The following PLA1A variants were observed in gnomAD, a reference collection of about 807,000 sequenced individuals.
The protein encoded by PLA1A is phospholipase A1 member A, also known as phosphatidylserine-specific phospholipase A1alpha.
PLA1A carries 47 observed loss-of-function variants against 49.4 expected under a neutral mutation model. The ratio of observed to expected loss-of-function variants is 0.95; its 90% confidence interval spans 0.75 to 1.21. The LOEUF (loss-of-function observed/expected upper bound fraction) is 1.21, where lower values mean the gene tolerates loss of function less well. Among genes scored for constraint, PLA1A ranks in the 50% most tolerant of loss-of-function variants. PLA1A has a pLI of 0.00. For synonymous variants in PLA1A, 224 were observed against 207.9 expected, an observed-to-expected ratio of 1.08 and a Z score of -0.67; for missense variants, 561 against 563.9, an observed-to-expected ratio of 0.99 and a Z score of 0.05.
intron 8 of PLA1A, among the ~76,000 whole-genome samples, chr3:119,621,979 G>A (rs570456959): frequency 6.6e-6 from 1 of 152,250 alleles, no homozygotes; most frequent in East Asian, 1.9e-4. Flanking sequence ...AGCACTTCGG[G>A]AGGCTGAGGT....
chr3:119,608,591 G>T (rs2082725379), intron 2 of PLA1A, among the ~76,000 whole-genome samples, 179 bp from the exon 3 acceptor site: 1 of 152,202 alleles, frequency 6.6e-6, no homozygotes, highest in African/African-American at 2.4e-5. Context: ...CTGGCGGAAG[G>T]GCTGGCAACT....
At chr3:119,605,789 T>C (rs1453807548) in intron 1 of PLA1A, among the ~76,000 whole-genome samples, 1 of 152,244 alleles carries the variant, frequency 6.6e-6, no homozygotes, top group Non-Finnish European at 1.5e-5. Flanking sequence ...GAGTTTCATG[T>C]TGCCTTTTCT....
At chr3:119,623,535 C>T (rs929633350) in intron 8 of PLA1A, among the ~76,000 whole-genome samples, 5 of 152,114 alleles carry the variant, frequency 3.3e-5, no homozygotes, top group South Asian at 2.1e-4. Flanking sequence ...TCTATGTTGG[C>T]GACACTCACT....
intron 1 of PLA1A, among the ~76,000 whole-genome samples, chr3:119,606,277 A>G (rs1175957909): frequency 1.3e-5 from 2 of 152,220 alleles, no homozygotes; most frequent in African/African-American, 4.8e-5. Flanking sequence ...CTTGGCTTGT[A>G]GATGGCCACT....
chr3:119,608,814 C>T lies in PLA1A; in HGVS notation c.320C>T (p.Thr107Ile), dbSNP rs756539203. The change falls in exon 3 of 11, where the codon ACC becomes ATC. Residue 107 changes from threonine (T) to isoleucine (I), a missense_variant. Transcript: ENST00000273371. The stretch of plus-strand genomic sequence containing the variant: ...TCCTGGATTGACACATTTATTAGAA[C>T]CCTTCTGCGTGCAACGAATGCTAAT... ...KPSWIDTFIR[T>I]LLRATNANVI... 6.2e-7 allele frequency: 1 copy of T among 1,613,882 alleles called. No homozygotes were observed. The highest frequency in any genetic ancestry group is 8.5e-7 in the Non-Finnish European group (1 of 1,179,778).
At position 119,625,196 on chromosome 3, in the gene PLA1A, T is replaced by C; in HGVS notation, c.1085T>C (p.Leu362Pro). 4 of 1,613,156 alleles carry C rather than the reference T, an allele frequency of 2.5e-6. No homozygotes were observed. Among genetic ancestry groups the C allele is most frequent in the Non-Finnish European group, 3.4e-6 (4 of 1,179,102 alleles). Reference sequence around the variant, plus strand: ...GACACCAACATCGAGGTTACCTTCCTTAGCAGTAACATCACCTCTTCATCT... The same window carrying C: ...GACACCAACATCGAGGTTACCTTCCCTAGCAGTAACATCACCTCTTCATCT... The part of the protein sequence containing the change: ...NKDTNIEVTF[L>P]SSNITSSSKI... Residue 362 changes from leucine to proline, a missense_variant, in exon 9 of 11, where the codon CTT becomes CCT. Transcript: ENST00000273371.
In PLA1A at chr3:119,619,623, T is replaced by C. The variant is rs750276254; in HGVS notation, c.983T>C (p.Leu328Pro). 6 of 1,612,632 alleles carry C rather than the reference T, an allele frequency of 3.7e-6. No homozygotes were observed. The Admixed American group carries it at 1.0e-4, about 27-fold the overall frequency. The change falls in exon 8 of 11, where the codon CTC becomes CCC. Residue 328 changes from leucine to proline, a missense_variant. Transcript: ENST00000273371. Reference protein sequence around the residue: ...EPLPKEVKVYLLTTSSAPYCM... With the variant: ...EPLPKEVKVYPLTTSSAPYCM... ...CTCCCCAAGGAAGTGAAAGTCTACC[T>C]CCTGACTACTTCCAGTGCTCCGTAC...
At chr3:119,601,552 T>A (rs1279202860) in intron 1 of PLA1A, among the ~76,000 whole-genome samples, 4 of 152,246 alleles carry the variant, frequency 2.6e-5, no homozygotes, top group Non-Finnish European at 5.9e-5. Context: ...GGCCAGATAC[T>A]CATGTGTCAC....
chr3:119,608,238 A>AG (rs2082716679), intron 2 of PLA1A, among the ~76,000 whole-genome samples: 4 of 80,068 alleles, frequency 5.0e-5, no homozygotes, highest in African/African-American at 1.8e-4. Context: ...GAGAGAAAGA[A>AG]AGAGAGAAAG....
chr3:119,608,671 T>C, intron 2 of PLA1A, 99 bp from the exon 3 acceptor site: 1 of 927,058 alleles, frequency 1.1e-6, no homozygotes, highest in African/African-American at 1.7e-5. Flanking sequence ...TTCTCTAGTT[T>C]TGATTTCTTT....
At chr3:119,600,508 G>T (rs2082604290) in intron 1 of PLA1A, 2 of 671,430 alleles carry the variant, frequency 3.0e-6, no homozygotes, top group African/African-American at 1.8e-5. Context: ...TTCTCCGCTA[G>T]ACTTTGAGCT....
intron 9 of PLA1A, among the ~76,000 whole-genome samples, chr3:119,625,905 C>T (rs2052529467): frequency 1.3e-5 from 2 of 152,118 alleles, no homozygotes; most frequent in Admixed American, 6.5e-5. Flanking sequence ...AGCCATGGTG[C>T]ATGCTTCTTT....
At chr3:119,616,124 G>A (rs1429196897) in intron 6 of PLA1A, 23 bp downstream of exon 6, 6 of 1,513,434 alleles carry the variant, frequency 4.0e-6, no homozygotes, top group Admixed American at 1.7e-5. Flanking sequence ...GTACAATCTG[G>A]TATTTGGCAA....
chr3:119,603,075 C>T (rs1035278365), intron 1 of PLA1A, among the ~76,000 whole-genome samples: 2 of 152,062 alleles, frequency 1.3e-5, no homozygotes, highest in Non-Finnish European at 2.9e-5. Flanking sequence ...TGGATTAGCT[C>T]AGTTAGGGCC....
intron 5 of PLA1A, among the ~76,000 whole-genome samples, chr3:119,614,988 A>G (rs1456646263): frequency 1.3e-5 from 2 of 152,156 alleles, no homozygotes; most frequent in Non-Finnish European, 2.9e-5. Flanking sequence ...AGAGAAGTAG[A>G]CAGATTCAAA....
At chr3:119,606,230 A>T (rs1263419938) in intron 1 of PLA1A, among the ~76,000 whole-genome samples, 2 of 152,236 alleles carry the variant, frequency 1.3e-5, no homozygotes, top group Admixed American at 1.3e-4. Context: ...TAGTTCCTTC[A>T]GGGCAATGAG....
intron 9 of PLA1A, among the ~76,000 whole-genome samples, chr3:119,626,103 C>A (rs1162969767): frequency 6.6e-6 from 1 of 152,162 alleles, no homozygotes; most frequent in Non-Finnish European, 1.5e-5. Context: ...AGAGATTAAT[C>A]ACAACAGGAG....
intron 1 of PLA1A, among the ~76,000 whole-genome samples, chr3:119,602,955 G>A (rs899455492): frequency 2.6e-5 from 4 of 152,138 alleles, no homozygotes; most frequent in African/African-American, 7.2e-5. Flanking sequence ...AGGAACAGCC[G>A]GGCAAAGACC....
chr3:119,618,486 G>A lies in PLA1A; in HGVS notation c.922+300G>A, dbSNP rs77693104. On this transcript the variant is annotated intron_variant, in intron 7 of 10. Transcript: ENST00000273371. ...TGCCTATAGGTCTTTCTCACTTCTG[G>A]CCATTCTCCAGTTCTTCATAGACCC... Among the ~76,000 whole-genome samples the A allele has an allele frequency of 7.0e-4, 107 of 152,150 alleles. 1 individual carries two copies. In the East Asian group the frequency reaches 0.016, roughly 23 times the overall value.
Sources: allele counts gnomAD v4.1 joint callset (sites outside exome capture counted in the v4.1 genomes callset), GRCh38; gene constraint gnomAD v4.1.1; transcripts MANE v1.5; gene names NCBI Gene and HGNC (gene_info 2026-07-23, HGNC 2026-07-21).